The following DNAH8 variants were observed in gnomAD, a reference collection of about 807,000 sequenced individuals.
DNAH8 encodes the protein dynein axonemal heavy chain 8, also known as axonemal beta dynein heavy chain 8.
DNAH8 carries 382 observed loss-of-function variants against 562.1 expected under a neutral mutation model. That is an observed-to-expected ratio of 0.68 (90% CI 0.63 to 0.74). The LOEUF (loss-of-function observed/expected upper bound fraction) is 0.74. Among genes scored for constraint, DNAH8 ranks in the 30% least tolerant of loss-of-function variants. DNAH8 has a pLI of 0.00. For synonymous variants in DNAH8, 1,881 were observed against 1,919.4 expected (o/e 0.98, Z 0.52); for missense variants, 5,203 against 5,620.4 (o/e 0.93, Z 2.37).
At chr6:38,989,986 T>G in intron 87 of DNAH8, 26 bp from the exon 88 acceptor site, 1 of 1,440,774 alleles carries the variant, frequency 6.9e-7, no homozygotes, top group African/African-American at 1.4e-5. Flanking sequence ...ATCAATTTTA[T>G]TTCTTTTGTT....
Position 38,852,779 on chromosome 6 carries a change from GAGA to G in DNAH8, c.5555_5557del (p.Glu1852del). On this transcript the variant is annotated inframe_deletion, in exon 40 of 93. Transcript: ENST00000327475. ...GATCGCATCATGGCCGTCATATCAA[GAGA>G]AGGAGAAAAAATTGTTGTAATTTAC... 6.2e-7 allele frequency: 1 copy of G among 1,612,060 alleles called. No homozygotes were observed. Among genetic ancestry groups the G allele is most frequent in the Non-Finnish European group, 8.5e-7 (1 of 1,179,034 alleles).
chr6:38,843,912 C>T (rs994182222), intron 35 of DNAH8, among the ~76,000 whole-genome samples: 2 of 152,174 alleles, frequency 1.3e-5, no homozygotes, highest in African/African-American at 2.4e-5. Context: ...TCCATGTCCC[C>T]TCAGCCCCAA....
At chr6:38,877,305 A>G (rs1030941925) in intron 53 of DNAH8, among the ~76,000 whole-genome samples, 5 of 152,212 alleles carry the variant, frequency 3.3e-5, no homozygotes, top group African/African-American at 4.8e-5. Context: ...GCCATCAAAA[A>G]TATGTATTGC....
Position 38,883,002 on chromosome 6 carries a change from G to A in DNAH8, c.7951G>A (p.Asp2651Asn). The A allele has an allele frequency of 6.2e-7, 1 of 1,604,384 alleles. No individual in the cohort carries two copies. The highest frequency in any genetic ancestry group is 8.5e-7 in the Non-Finnish European group (1 of 1,176,480). Residue 2651 changes from aspartate (D) to asparagine (N), a missense_variant, in exon 54 of 93, where the codon GAC (aspartate) becomes AAC (asparagine). Physicochemically the swap from Asp to Asn is conservative, Grantham distance 23. Coordinates refer to ENST00000327475, the MANE Select transcript of DNAH8 (RefSeq NM_001206927.2). ...TTCATCAATTTTGGTTCCAAATGTTGACAATATTAGAACAAATTTTTTGAT... is the reference window on the plus strand; with the variant it reads ...TTCATCAATTTTGGTTCCAAATGTTAACAATATTAGAACAAATTTTTTGAT... The part of the protein sequence containing the change: ...EYSSILVPNV[D>N]NIRTNFLIDT...
At chr6:38,736,176 T>A (rs907515932) in intron 5 of DNAH8, among the ~76,000 whole-genome samples, 1 of 152,120 alleles carries the variant, frequency 6.6e-6, no homozygotes, top group Non-Finnish European at 1.5e-5. Flanking sequence ...TGGAAGGTGA[T>A]AATTTCGCTC....
chr6:38,733,154 A>C (rs1262007429), intron 4 of DNAH8, among the ~76,000 whole-genome samples: 1 of 152,114 alleles, frequency 6.6e-6, no homozygotes, highest in East Asian at 1.9e-4. Context: ...AGCCTCCCAA[A>C]GTGCTGGGAT....
chr6:38,902,698 C>T (rs2150511608), intron 62 of DNAH8, among the ~76,000 whole-genome samples: 1 of 152,232 alleles, frequency 6.6e-6, no homozygotes, highest in Middle Eastern at 3.4e-3. Flanking sequence ...ACAACAAATT[C>T]TGGATACATT....
intron 12 of DNAH8, among the ~76,000 whole-genome samples, chr6:38,772,029 C>CTA: frequency 7.6e-6 from 1 of 131,914 alleles, no homozygotes; most frequent in Non-Finnish European, 1.6e-5. Flanking sequence ...TTTATGATTT[C>CTA]TTTTTTTTTT....
In DNAH8 at chr6:38,964,432, C is replaced by T. The variant is rs568276609; in HGVS notation, c.12452-7160C>T. ...CTCCTCACTTCCCAGTAGGGGCGGC[C>T]GGGCAGAGGCGCCCCTCACTGGGAG... On this transcript the variant is annotated intron_variant, in intron 82 of 92. Coordinates refer to ENST00000327475, the MANE Select transcript of DNAH8 (RefSeq NM_001206927.2). Among the ~76,000 whole-genome samples the T allele has an allele frequency of 1.1e-3, 167 of 145,858 alleles. 1 individual carries two copies. Among genetic ancestry groups the T allele is most frequent in the African/African-American group, 4.0e-3 (156 of 39,358 alleles).
intron 43 of DNAH8, among the ~76,000 whole-genome samples, 185 bp from the exon 44 acceptor site, chr6:38,862,095 T>G (rs981928640): frequency 6.6e-6 from 1 of 152,124 alleles, no homozygotes; most frequent in Admixed American, 6.5e-5. Context: ...CAAGAAATCT[T>G]TGGGCTCACT....
chr6:38,774,352 G>C lies in DNAH8; in HGVS notation c.1765-1402G>C, dbSNP rs148296037. Among the ~76,000 whole-genome samples the C allele has an allele frequency of 1.4e-3, 215 of 152,210 alleles. 1 individual carries two copies. The highest frequency in any genetic ancestry group is 6.8e-3 in the Middle Eastern group (2 of 294). ...TCACAGCAAGTCGAGAACTGGAAAG[G>C]GTGCAAGGTTGGTGAGCCGGAGGAG... On this transcript the variant is annotated intron_variant, in intron 12 of 92. Coordinates refer to ENST00000327475, the MANE Select transcript of DNAH8 (RefSeq NM_001206927.2).
intron 10 of DNAH8, among the ~76,000 whole-genome samples, chr6:38,758,345 A>G (rs940051715): frequency 2.0e-5 from 3 of 151,882 alleles, no homozygotes; most frequent in East Asian, 3.9e-4. Context: ...TTATTGGTGT[A>G]TAAGAATGCT....
chr6:38,904,792 C>CAAAAAAAAA (rs759782655), intron 62 of DNAH8, among the ~76,000 whole-genome samples: 2 of 86,374 alleles, frequency 2.3e-5, no homozygotes, highest in African/African-American at 8.9e-5. Context: ...AACTCCGTCT[C>CAAAAAAAAA]AAAAAAAAAA....
At chr6:38,977,528 A>G (rs939962040) in intron 85 of DNAH8, among the ~76,000 whole-genome samples, 13 of 151,930 alleles carry the variant, frequency 8.6e-5, no homozygotes, top group Non-Finnish European at 1.8e-4. Flanking sequence ...CTTGAAGATT[A>G]CTTAGGAGGG....
chr6:38,815,948 C>T (rs766348837), intron 26 of DNAH8, among the ~76,000 whole-genome samples: 2 of 151,962 alleles, frequency 1.3e-5, no homozygotes, highest in South Asian at 2.1e-4. Flanking sequence ...AACATAAATT[C>T]GTCACTTAAG....
intron 62 of DNAH8, among the ~76,000 whole-genome samples, chr6:38,903,760 C>T (rs1180908467): frequency 2.0e-5 from 3 of 151,698 alleles, no homozygotes; most frequent in Non-Finnish European, 4.4e-5. Flanking sequence ...TACAGGCGAG[C>T]ACCACCACGC....
At chr6:38,907,032 C>G (rs1214912972) in intron 63 of DNAH8, among the ~76,000 whole-genome samples, 2 of 152,126 alleles carry the variant, frequency 1.3e-5, no homozygotes, top group Admixed American at 6.5e-5. Context: ...TGAAAAAAAT[C>G]TGAAATCTGA....
At chr6:39,000,434 A>G (rs1765412410) in intron 88 of DNAH8, among the ~76,000 whole-genome samples, 1 of 152,192 alleles carries the variant, frequency 6.6e-6, no homozygotes, top group South Asian at 2.1e-4. Flanking sequence ...AAACTGGGCC[A>G]CACAGCAGGA....
At chr6:39,022,411 T>C (rs1766978728) in intron 91 of DNAH8, among the ~76,000 whole-genome samples, 1 of 152,218 alleles carries the variant, frequency 6.6e-6, no homozygotes. Context: ...ACTACTCTGA[T>C]ATCAGCCTAT....
Sources: gnomAD v4.1 joint callset for allele counts (sites outside exome capture counted in the v4.1 genomes callset) on GRCh38, gnomAD v4.1.1 for gene constraint, MANE v1.5 for transcripts, NCBI Gene and HGNC (gene_info 2026-07-23, HGNC 2026-07-21) for gene names.